Variants in NTRK3 observed in about 807,000 individuals in gnomAD.
NTRK3 encodes NT-3 growth factor receptor.
Under a neutral mutation model 91.7 loss-of-function variants are expected in NTRK3, and 24 were observed. The observed-to-expected ratio is 0.26, with a 90% CI of 0.19 to 0.37. The LOEUF (loss-of-function observed/expected upper bound fraction) is 0.37. NTRK3 is among the 10% of genes least tolerant of loss of function. The probability of loss-of-function intolerance (pLI) is 1.00; values close to 1 mark genes in which losing one functional copy is unlikely to be tolerated. For missense variants in NTRK3, 880 were observed against 1,068.9 expected, an observed-to-expected ratio of 0.82 and a Z score of 2.46; for synonymous variants, 483 against 404.0, an observed-to-expected ratio of 1.20 and a Z score of -2.34.
At chr15:87,908,416 C>A (rs907566990) in intron 17 of NTRK3, 4 of 398,928 alleles carry the variant, frequency 1.0e-5, no homozygotes, top group Admixed American at 4.4e-5. Context: ...CTCTCCAAAG[C>A]CTGCAAGCTG....
At chr15:87,912,819 G>A (rs1253215387) in intron 17 of NTRK3, among the ~76,000 whole-genome samples, 1 of 151,448 alleles carries the variant, frequency 6.6e-6, no homozygotes, top group Non-Finnish European at 1.5e-5. Flanking sequence ...TAATAAAAAT[G>A]CATAGACCAT....
chr15:87,981,427 G>C (rs1420960400), intron 14 of NTRK3: 3 of 1,611,808 alleles, frequency 1.9e-6, no homozygotes, highest in Non-Finnish European at 2.5e-6. Context: ...AAAAACATGG[G>C]AAAGTATTTT....
chr15:87,916,475 T>C (rs537413470), intron 17 of NTRK3: 6 of 701,506 alleles, frequency 8.6e-6, no homozygotes, highest in African/African-American at 1.7e-5. Context: ...GAATCCAATA[T>C]AAGCATGCTT....
intron 13 of NTRK3, among the ~76,000 whole-genome samples, chr15:88,091,183 G>A (rs1233050222): frequency 6.6e-6 from 1 of 152,098 alleles, no homozygotes; most frequent in Non-Finnish European, 1.5e-5. Context: ...TGATGAAAGG[G>A]GAAAAAGGTT....
intron 17 of NTRK3, among the ~76,000 whole-genome samples, chr15:87,903,672 C>G (rs1044348735): frequency 6.6e-6 from 1 of 152,226 alleles, no homozygotes; most frequent in African/African-American, 2.4e-5. Context: ...GACAACCAAA[C>G]TCCCTAAACT....
At chr15:88,023,726 A>G (rs2077782726) in intron 14 of NTRK3, among the ~76,000 whole-genome samples, 1 of 152,162 alleles carries the variant, frequency 6.6e-6, no homozygotes, top group African/African-American at 2.4e-5. Flanking sequence ...TGGTATGCCA[A>G]CCTACCCTCT....
rs377130722 is a variant in NTRK3, at chr15:88,232,390, C to T, written c.248+23516G>A. On this transcript the variant is annotated intron_variant, in intron 3 of 18. Transcript: ENST00000394480. ...GTTTATTCCTCTGCTGTACCCTCTG[C>T]AATATCTGGCTATGCACAGCACAGA... Among the ~76,000 whole-genome samples, 3 of 152,260 alleles carry T rather than the reference C, an allele frequency of 2.0e-5. No homozygotes were observed. The East Asian group carries it at 5.8e-4, about 29-fold the overall frequency.
intron 5 of NTRK3, among the ~76,000 whole-genome samples, chr15:88,160,970 G>A (rs1464671476): frequency 6.6e-6 from 1 of 152,172 alleles, no homozygotes; most frequent in Non-Finnish European, 1.5e-5. Flanking sequence ...GACCATGCAA[G>A]TCCTAATAAT....
intron 14 of NTRK3, among the ~76,000 whole-genome samples, chr15:87,951,006 G>T (rs562268077): frequency 1.6e-4 from 25 of 152,230 alleles, no homozygotes; most frequent in Non-Finnish European, 2.5e-4. Context: ...TGATAACCTG[G>T]CCCAAATCCC....
At chr15:88,113,119 G>A (rs1267684467) in intron 13 of NTRK3, among the ~76,000 whole-genome samples, 1 of 152,110 alleles carries the variant, frequency 6.6e-6, no homozygotes. Context: ...ATGTAAGCTT[G>A]GGCTAATCAC....
chr15:88,095,768 C>G (rs1174029905), intron 13 of NTRK3, among the ~76,000 whole-genome samples: 1 of 152,118 alleles, frequency 6.6e-6, no homozygotes, highest in East Asian at 1.9e-4. Flanking sequence ...CTTGGATACT[C>G]CAATTGAAAT....
chr15:88,035,434 C>G (rs1269931071), intron 13 of NTRK3, among the ~76,000 whole-genome samples: 2 of 152,194 alleles, frequency 1.3e-5, no homozygotes, highest in South Asian at 2.1e-4. Flanking sequence ...TCACACCAAT[C>G]TCATCTCATA....
intron 14 of NTRK3, among the ~76,000 whole-genome samples, chr15:87,948,210 G>C (rs2070760926): frequency 6.6e-6 from 1 of 152,244 alleles, no homozygotes; most frequent in African/African-American, 2.4e-5. Context: ...CAGAAGAGTA[G>C]AGCATGGCTA....
chr15:88,032,487 A>G (rs573396170), intron 14 of NTRK3, among the ~76,000 whole-genome samples: 1 of 152,078 alleles, frequency 6.6e-6, no homozygotes, highest in South Asian at 2.1e-4. Flanking sequence ...GGTTCTGGTG[A>G]GCTCAGGGGC....
intron 14 of NTRK3, among the ~76,000 whole-genome samples, chr15:88,006,448 G>T (rs1164145445): frequency 6.6e-6 from 1 of 152,202 alleles, no homozygotes; most frequent in Non-Finnish European, 1.5e-5. Context: ...AAAAAGGATT[G>T]ATAGAGATCA....
rs2051394559 is a variant in NTRK3, at chr15:88,233,487, A to C, written c.248+22419T>G. On this transcript the variant is annotated intron_variant, in intron 3 of 18. Transcript: ENST00000394480. This position sits in a 1 kb window ranked among gnomAD's most constrained non-coding sequence, Gnocchi z 4.2. ...AAGTTAGCACACTGAAACCACAGTTAGCATCCTCGAAAGAGCAAATCCCAA... is the reference window on the plus strand; with the variant it reads ...AAGTTAGCACACTGAAACCACAGTTCGCATCCTCGAAAGAGCAAATCCCAA... 6.6e-6 allele frequency among the ~76,000 whole-genome samples: 1 copy of C among 152,256 alleles called. No homozygotes were observed. The highest frequency in any genetic ancestry group is 1.5e-5 in the Non-Finnish European group (1 of 68,018).
chr15:87,914,227 T>A (rs908851882), intron 17 of NTRK3, among the ~76,000 whole-genome samples: 9 of 152,224 alleles, frequency 5.9e-5, no homozygotes, highest in African/African-American at 2.2e-4. Context: ...ATAATGTGAT[T>A]CTCTGTGTGC....
At chr15:87,914,498 C>T (rs2067311260) in intron 17 of NTRK3, among the ~76,000 whole-genome samples, 1 of 152,174 alleles carries the variant, frequency 6.6e-6, no homozygotes, top group Non-Finnish European at 1.5e-5. Flanking sequence ...CAAGTGGGGA[C>T]ATTACTCTTT....
chr15:88,059,684 G>A (rs1429772267), intron 13 of NTRK3, among the ~76,000 whole-genome samples: 3 of 152,252 alleles, frequency 2.0e-5, no homozygotes, highest in South Asian at 4.1e-4. Context: ...CAGAGCTATG[G>A]TCGGGGGATA....
Sources: allele counts gnomAD v4.1 joint callset (sites outside exome capture counted in the v4.1 genomes callset), GRCh38; gene constraint gnomAD v4.1.1; non-coding constraint Gnocchi (gnomAD v3.1); transcripts MANE v1.5; gene names NCBI Gene and HGNC (gene_info 2026-07-23, HGNC 2026-07-21).